CNGA3: variants seen among roughly 807,000 people sequenced by gnomAD.
CNGA3 encodes cyclic nucleotide-gated channel alpha-3.
Under a neutral mutation model 46.6 loss-of-function variants are expected in CNGA3, and 42 were observed. The observed-to-expected ratio is 0.90, with a 90% confidence interval of 0.70 to 1.17. CNGA3 has a LOEUF of 1.17. Ranked by LOEUF, CNGA3 falls within the 50% of genes most tolerant of loss-of-function variation. CNGA3 has a pLI of 0.00. For missense variants in CNGA3, 893 were observed against 890.7 expected (o/e 1.00, Z -0.03); for synonymous variants, 394 against 369.4 (o/e 1.07, Z -0.76).
chr2:98,386,796 T>C lies in CNGA3; in HGVS notation c.450-2862T>C, dbSNP rs954319774. Among the ~76,000 whole-genome samples, 8 of 152,282 alleles carry C rather than the reference T, an allele frequency of 5.3e-5. No individual in the cohort carries two copies. In the South Asian group the frequency reaches 1.7e-3, roughly 32 times the overall value. ...GCTTTGAAGATGTAGGAAGGGGACC[T>C]GAGCTAAGGAAGCCACAGCCTCGAA... is the stretch of plus-strand genomic sequence containing the variant. On this transcript the variant is annotated intron_variant, in intron 5 of 7. Transcript: ENST00000272602.
At chr2:98,393,695 G>T (rs1312841821) in intron 7 of CNGA3, among the ~76,000 whole-genome samples, 1 of 152,168 alleles carries the variant, frequency 6.6e-6, no homozygotes, top group South Asian at 2.1e-4. Flanking sequence ...GAGACACCCC[G>T]ACTCAGTCAT....
At chr2:98,364,710 C>T (rs952238340) in intron 1 of CNGA3, among the ~76,000 whole-genome samples, 15 of 152,138 alleles carry the variant, frequency 9.9e-5, no homozygotes, top group African/African-American at 2.2e-4. Flanking sequence ...TTCATAATAT[C>T]GTTGGTCTTT....
intron 1 of CNGA3, among the ~76,000 whole-genome samples, chr2:98,352,388 A>C (rs1302435260): frequency 2.0e-5 from 3 of 152,104 alleles, no homozygotes; most frequent in African/African-American, 7.2e-5. Context: ...TATTTCTCTT[A>C]GGTATAAGCT....
intron 1 of CNGA3, among the ~76,000 whole-genome samples, chr2:98,367,169 T>TTATTCTC (rs1553447812): frequency 1.8e-5 from 2 of 113,458 alleles, no homozygotes; most frequent in African/African-American, 6.0e-5. Flanking sequence ...CATCAGCTGT[T>TTATTCTC]TTTTTTCTTT....
At chr2:98,388,471 T>C (rs1400016030) in intron 5 of CNGA3, among the ~76,000 whole-genome samples, 1 of 151,790 alleles carries the variant, frequency 6.6e-6, no homozygotes, top group African/African-American at 2.4e-5. Flanking sequence ...GGGGAGAGGG[T>C]GCTTGGAGCT....
chr2:98,378,200 T>G, intron 3 of CNGA3: 1 of 1,550,074 alleles, frequency 6.5e-7, no homozygotes, highest in Non-Finnish European at 8.7e-7. Context: ...GTCTCCCGGG[T>G]GCTCGTCTGG....
At chr2:98,380,085 AG>A in intron 3 of CNGA3, 89 bp from the exon 4 acceptor site, 1 of 1,422,782 alleles carries the variant, frequency 7.0e-7, no homozygotes, top group Non-Finnish European at 9.8e-7. Context: ...ACAGAGAGGG[AG>A]GGAGAAAGAG....
At chr2:98,358,138 C>T (rs1691930841) in intron 1 of CNGA3, among the ~76,000 whole-genome samples, 1 of 152,200 alleles carries the variant, frequency 6.6e-6, no homozygotes, top group Admixed American at 6.5e-5. Context: ...GAGTTCTACT[C>T]ACAAAGAGTT....
chr2:98,382,765 A>G (rs1051827560), intron 4 of CNGA3, among the ~76,000 whole-genome samples: 4 of 152,246 alleles, frequency 2.6e-5, no homozygotes, highest in African/African-American at 9.6e-5. Context: ...CCTACCTTCA[A>G]CCAGATTCTC....
chr2:98,390,988 G>T (rs928859109), intron 6 of CNGA3, among the ~76,000 whole-genome samples: 6 of 152,204 alleles, frequency 3.9e-5, no homozygotes, highest in Non-Finnish European at 8.8e-5. Flanking sequence ...GGCAAGTCCT[G>T]CCTGTCCTTC....
intron 1 of CNGA3, among the ~76,000 whole-genome samples, chr2:98,348,608 G>C (rs1435946630): frequency 6.6e-6 from 1 of 152,076 alleles, no homozygotes; most frequent in Non-Finnish European, 1.5e-5. Context: ...TGAAACCCCT[G>C]CTAATCCCCC....
chr2:98,358,401 G>C (rs1249887390), intron 1 of CNGA3, among the ~76,000 whole-genome samples: 1 of 152,116 alleles, frequency 6.6e-6, no homozygotes, highest in Non-Finnish European at 1.5e-5. Flanking sequence ...AACATCAACA[G>C]CTGCTAATGT....
At chr2:98,349,150 G>C (rs1215717418) in intron 1 of CNGA3, among the ~76,000 whole-genome samples, 1 of 152,104 alleles carries the variant, frequency 6.6e-6, no homozygotes, top group Non-Finnish European at 1.5e-5. Flanking sequence ...ATCATGGGGG[G>C]AGTCCACTTG....
rs370933985 is a variant in CNGA3, at chr2:98,397,027, G to A, written c.1857G>A (p.Ala619=). 1.4e-5 allele frequency: 22 copies of A among 1,613,776 alleles called. No individual in the cohort carries two copies. In the East Asian group the frequency reaches 2.0e-4, roughly 15 times the overall value. The change falls in exon 8 of 8, where the codon GCG becomes GCA. Residue 619 remains alanine (A), a synonymous_variant. Coordinates refer to ENST00000272602, the MANE Select transcript of CNGA3 (RefSeq NM_001298.3). ...DNLIDEELAR[A]GADPKDLEEK... ...TGATCGATGAGGAGCTGGCCAGGGC[G>A]GGCGCGGACCCCAAGGACCTTGAGG...
rs141672028 is a variant in CNGA3, at chr2:98,352,276, C to T, written c.-38+5742C>T. 1.3e-4 allele frequency among the ~76,000 whole-genome samples: 20 copies of T among 152,270 alleles called. 1 individual carries two copies. Among genetic ancestry groups the T allele is most frequent in the South Asian group, 4.2e-4 (2 of 4,814 alleles). On this transcript the variant is annotated intron_variant, in intron 1 of 7. Coordinates refer to ENST00000272602, the MANE Select transcript of CNGA3 (RefSeq NM_001298.3). ...TACTACATTTTGTTTATCCATTTAT[C>T]GGTGGATAGGCCCTAATAAATGATT...
chr2:98,364,281 G>A (rs1298050738), intron 1 of CNGA3, among the ~76,000 whole-genome samples: 1 of 152,118 alleles, frequency 6.6e-6, no homozygotes, highest in Non-Finnish European at 1.5e-5. Context: ...GGGAGACTGA[G>A]CTAGGAGAAT....
intron 1 of CNGA3, among the ~76,000 whole-genome samples, chr2:98,369,463 G>C (rs1032585961): frequency 6.6e-6 from 1 of 152,162 alleles, no homozygotes; most frequent in African/African-American, 2.4e-5. Context: ...ATATTGTAAA[G>C]GTTTTCTGAA....
chr2:98,362,729 G>C (rs773764221), intron 1 of CNGA3, among the ~76,000 whole-genome samples: 1 of 152,106 alleles, frequency 6.6e-6, no homozygotes, highest in Non-Finnish European at 1.5e-5. Flanking sequence ...GCCTTTGCCC[G>C]TGCCTGTCTT....
At chr2:98,395,433 G>A (rs1348668299) in intron 7 of CNGA3, among the ~76,000 whole-genome samples, 2 of 152,148 alleles carry the variant, frequency 1.3e-5, no homozygotes, top group Non-Finnish European at 2.9e-5. Flanking sequence ...GCCTCTCAAA[G>A]TACTGGGATT....
Sources: allele counts gnomAD v4.1 joint callset (sites outside exome capture counted in the v4.1 genomes callset), GRCh38; gene constraint gnomAD v4.1.1; transcripts MANE v1.5; gene names NCBI Gene and HGNC (gene_info 2026-07-23, HGNC 2026-07-21).